BMPR1B: variants seen among roughly 807,000 people sequenced by gnomAD.
BMPR1B encodes bone morphogenetic protein receptor type 1B, also known as bone morphogenetic protein receptor type-1B.
A neutral mutation model predicts 59.1 loss-of-function variants in BMPR1B; 12 were observed. That is an observed-to-expected ratio of 0.20 (90% CI 0.13 to 0.33). BMPR1B has a LOEUF of 0.33. Ranked by LOEUF, BMPR1B falls within the 10% of genes least tolerant of loss-of-function variation. The pLI is 1.00. For missense variants in BMPR1B, 550 were observed against 610.9 expected (o/e 0.90, Z 1.05); for synonymous variants, 237 against 207.3 (o/e 1.14, Z -1.23).
chr4:95,021,853 A>C (rs941420065), intron 3 of BMPR1B, among the ~76,000 whole-genome samples: 2 of 152,232 alleles, frequency 1.3e-5, no homozygotes, highest in Non-Finnish European at 2.9e-5. Context: ...GAACTGGTCT[A>C]TTCTCATGTA....
rs1426827011 is a variant in BMPR1B at position 94,966,626 on chromosome 4, T to C, written c.-112-29414T>C. 2.0e-5 allele frequency among the ~76,000 whole-genome samples: 3 copies of C among 152,344 alleles called. No individual in the cohort carries two copies. The East Asian group carries it at 5.8e-4, about 29-fold the overall frequency. ...GACGTTCTTTAAACAATGAACTCTA[T>C]ACTCAACTCTGTGGAAAATCTTCCA... On this transcript the variant is annotated intron_variant, in intron 2 of 12. Coordinates refer to ENST00000515059, the MANE Select transcript of BMPR1B (RefSeq NM_001203.3).
chr4:95,153,993 G>T (rs1197572554), intron 12 of BMPR1B, among the ~76,000 whole-genome samples: 1 of 152,192 alleles, frequency 6.6e-6, no homozygotes, highest in African/African-American at 2.4e-5. Context: ...TGGGCTTTTG[G>T]TGTTACTTGA....
intron 3 of BMPR1B, among the ~76,000 whole-genome samples, chr4:95,010,579 C>T (rs1447480055): frequency 6.6e-6 from 1 of 152,194 alleles, no homozygotes; most frequent in African/African-American, 2.4e-5. Context: ...CTGGGAGTCT[C>T]TGCTCCTTGG....
chr4:94,827,619 T>C (rs1339761086), intron 1 of BMPR1B, among the ~76,000 whole-genome samples: 5 of 152,190 alleles, frequency 3.3e-5, no homozygotes. Flanking sequence ...TTGTTCAGCA[T>C]TTTTCCCTTC....
intron 2 of BMPR1B, among the ~76,000 whole-genome samples, chr4:94,991,434 A>G (rs1326831598): frequency 4.6e-5 from 7 of 152,196 alleles, no homozygotes; most frequent in African/African-American, 1.7e-4. Flanking sequence ...TTGAACCTAT[A>G]TTCTATGGGG....
At chr4:95,153,310 G>A (rs1045028863) in intron 12 of BMPR1B, among the ~76,000 whole-genome samples, 1 of 152,130 alleles carries the variant, frequency 6.6e-6, no homozygotes, top group Admixed American at 6.5e-5. Flanking sequence ...ACATAGGTCT[G>A]GAAAGCAGCG....
chr4:95,036,835 A>G (rs1725283864), intron 3 of BMPR1B, among the ~76,000 whole-genome samples: 1 of 151,946 alleles, frequency 6.6e-6, no homozygotes, highest in African/African-American at 2.4e-5. Context: ...CATTCCCACC[A>G]ACAGTGTACG....
At chr4:94,876,092 A>G (rs544185041) in intron 2 of BMPR1B, among the ~76,000 whole-genome samples, 192 bp downstream of exon 2, 5 of 152,210 alleles carry the variant, frequency 3.3e-5, no homozygotes, top group African/African-American at 4.8e-5. Context: ...GTAAATCAAC[A>G]TGACAAGGTG....
chr4:95,053,442 CAAAT>C (rs1726677178), intron 3 of BMPR1B, among the ~76,000 whole-genome samples: 1 of 151,964 alleles, frequency 6.6e-6, no homozygotes, highest in Admixed American at 6.6e-5. Context: ...TGTATGAACT[CAAAT>C]GAATTATCTT....
At chr4:94,935,479 G>T (rs1729255928) in intron 2 of BMPR1B, among the ~76,000 whole-genome samples, 1 of 152,132 alleles carries the variant, frequency 6.6e-6, no homozygotes, top group African/African-American at 2.4e-5. Flanking sequence ...CCCTCCTACA[G>T]CTTGCCTTTC....
intron 2 of BMPR1B, among the ~76,000 whole-genome samples, chr4:94,894,131 G>A (rs932633013): frequency 1.3e-5 from 2 of 151,988 alleles, no homozygotes; most frequent in Non-Finnish European, 2.9e-5. Flanking sequence ...ATGAAATACT[G>A]TAAAAGCACA....
chr4:95,131,996 G>C (rs1016626265), intron 10 of BMPR1B, among the ~76,000 whole-genome samples: 7 of 152,276 alleles, frequency 4.6e-5, no homozygotes, highest in Admixed American at 4.6e-4. Flanking sequence ...TTTAACATCT[G>C]TGCACATAAA....
chr4:94,878,305 A>G (rs1033787670), intron 2 of BMPR1B, among the ~76,000 whole-genome samples: 3 of 152,186 alleles, frequency 2.0e-5, no homozygotes, highest in Admixed American at 2.0e-4. Flanking sequence ...TAGTTTAAAG[A>G]TACTAGGTTT....
intron 1 of BMPR1B, among the ~76,000 whole-genome samples, chr4:94,849,793 GGTGTGTGT>G (rs1553912364): frequency 7.4e-5 from 2 of 26,932 alleles, no homozygotes; most frequent in African/African-American, 6.9e-4. Context: ...GGGGTTTTTT[GGTGTGTGT>G]GTGTGTGTGT....
chr4:95,045,219 T>C (rs140964109), intron 3 of BMPR1B, among the ~76,000 whole-genome samples: 6 of 152,162 alleles, frequency 3.9e-5, no homozygotes, highest in African/African-American at 1.4e-4. Flanking sequence ...ATAACAAATA[T>C]ATTATTATGT....
chr4:94,880,142 A>G (rs935972580), intron 2 of BMPR1B, among the ~76,000 whole-genome samples: 6 of 152,298 alleles, frequency 3.9e-5, no homozygotes, highest in Admixed American at 2.6e-4. Flanking sequence ...TTTACTAAAA[A>G]ATAGAATTTT....
intron 1 of BMPR1B, among the ~76,000 whole-genome samples, chr4:94,774,157 A>G (rs112609827): frequency 5.9e-5 from 9 of 152,010 alleles, no homozygotes; most frequent in African/African-American, 2.2e-4. Flanking sequence ...CTTCTGTGCA[A>G]CCTCCCCTAT....
At chr4:94,827,172 G>A (rs903886942) in intron 1 of BMPR1B, among the ~76,000 whole-genome samples, 1 of 151,930 alleles carries the variant, frequency 6.6e-6, no homozygotes, top group Non-Finnish European at 1.5e-5. Flanking sequence ...GTTAGTTGAG[G>A]CTTCAATAGC....
chr4:95,101,475 T>G (rs1350509000), intron 3 of BMPR1B, among the ~76,000 whole-genome samples: 1 of 151,926 alleles, frequency 6.6e-6, no homozygotes, highest in East Asian at 1.9e-4. Flanking sequence ...ATTTTCAGCC[T>G]CATGCTATTT....
Sources: allele counts gnomAD v4.1 joint callset (sites outside exome capture counted in the v4.1 genomes callset), GRCh38; gene constraint gnomAD v4.1.1; transcripts MANE v1.5; gene names NCBI Gene and HGNC (gene_info 2026-07-23, HGNC 2026-07-21).